P2RX5: variants seen among roughly 807,000 people sequenced by gnomAD.
The protein encoded by P2RX5 is purinergic receptor P2X 5.
Under a neutral mutation model 54.1 loss-of-function variants are expected in P2RX5, and 46 were observed. The observed-to-expected ratio is 0.85, with a 90% CI of 0.67 to 1.09. The LOEUF (loss-of-function observed/expected upper bound fraction) is 1.09. Among genes scored for constraint, P2RX5 ranks in the 50% least tolerant of loss-of-function variants. The pLI is 0.00. For missense variants in P2RX5, 566 were observed against 549.8 expected (o/e 1.03, Z -0.29); for synonymous variants, 226 against 226.4 (o/e 1.00, Z 0.02).
Position 3,691,664 on chromosome 17 carries a change from C to T in P2RX5, c.268G>A (p.Asp90Asn), listed in dbSNP as rs199599297. Residue 90 changes from aspartate to asparagine, a missense_variant, in exon 2 of 12, where the codon GAC becomes AAC. Transcript: ENST00000225328. ...CAGACCTGGGCTGGAATGACGTAGT[C>T]GGCGACATCCCAGATCCGCTGCCCA... ...DLGQRIWDVA[D>N]YVIPAQGENV... is the part of the protein sequence containing the mutation. 24 of 1,614,174 alleles carry T rather than the reference C, an allele frequency of 1.5e-5. No homozygotes were observed. Among genetic ancestry groups the T allele is most frequent in the Non-Finnish European group, 1.9e-5 (22 of 1,180,034 alleles).
the P2RX5 span, among the ~76,000 whole-genome samples, chr17:3,722,755 G>A: frequency 6.6e-6 from 1 of 152,210 alleles, no homozygotes; most frequent in Non-Finnish European, 1.5e-5. Flanking sequence ...CATGAAAAAA[G>A]TATGGATTTT....
At chr17:3,679,552 AC>A (rs1424340449) in intron 11 of P2RX5, 37 bp downstream of exon 11, 3 of 1,590,488 alleles carry the variant, frequency 1.9e-6, no homozygotes, top group East Asian at 4.5e-5. Context: ...TCTCTGCAGG[AC>A]CCAGCTGTCG....
the P2RX5 span, among the ~76,000 whole-genome samples, chr17:3,709,186 A>C: frequency 2.0e-5 from 3 of 152,088 alleles, no homozygotes; most frequent in Non-Finnish European, 4.4e-5. Flanking sequence ...TCCTGACCTC[A>C]GGTGATCCAC....
At position 3,690,244 on chromosome 17, in the gene P2RX5, C is replaced by T; in HGVS notation, c.534-94G>A. 6 of 1,295,330 alleles carry T rather than the reference C, an allele frequency of 4.6e-6. No homozygotes were observed. The South Asian group carries it at 7.1e-5, about 15-fold the overall frequency. 80.2% of individuals were successfully genotyped at this position (1,295,330 alleles called of 1,614,324 possible). On this transcript the variant is annotated intron_variant, in intron 5 of 11. Coordinates refer to ENST00000225328, the MANE Select transcript of P2RX5 (RefSeq NM_002561.4). ...AGTGTGAGGCCTGTTCCTTGGGTCCCCTGGAGCCTCTGCCCAGGACAGTTA... is the reference window on the plus strand; with the variant it reads ...AGTGTGAGGCCTGTTCCTTGGGTCCTCTGGAGCCTCTGCCCAGGACAGTTA...
At chr17:3,676,416 G>T (rs1412887445) in intron 11 of P2RX5, 25 of 983,298 alleles carry the variant, frequency 2.5e-5, no homozygotes, top group Non-Finnish European at 3.0e-5. Context: ...GGGGAACCGG[G>T]AGGACGGAGG....
the P2RX5 span, among the ~76,000 whole-genome samples, chr17:3,707,591 G>A: frequency 3.3e-5 from 5 of 152,094 alleles, no homozygotes; most frequent in Non-Finnish European, 5.9e-5. Flanking sequence ...AGATCACGCC[G>A]AGAAACCAAA....
chr17:3,723,489 G>A, the P2RX5 span: 1 of 1,021,360 alleles, frequency 9.8e-7, no homozygotes, highest in Non-Finnish European at 1.5e-6. Flanking sequence ...AATAGAGGGT[G>A]TGAGCAATTT....
Position 3,690,679 on chromosome 17 carries a change from T to A in P2RX5, c.362A>T (p.Asn121Ile), listed in dbSNP as rs779588638. 6.2e-7 allele frequency: 1 copy of A among 1,613,084 alleles called. No homozygotes were observed. The highest frequency in any genetic ancestry group is 8.5e-7 in the Non-Finnish European group (1 of 1,179,960). The change falls in exon 4 of 12, where the codon AAT becomes ATT. Residue 121 changes from asparagine (N) to isoleucine (I), a missense_variant and splice_region_variant. By Grantham distance (149) the Asn-to-Ile change is moderately radical. Transcript: ENST00000225328. The stretch of plus-strand genomic sequence containing the variant: ...GCACGCGCCATCAGGAATGCCTTCA[T>A]TCTGCCAGGAGAGAAGGGGCACCTG... The part of the protein sequence containing the change: ...PNQRQNVCAE[N>I]EGIPDGACSK...
chr17:3,679,674 A>AGCTCCTGCT lies in P2RX5; in HGVS notation c.1166_1174dup (p.Gln389_Glu391dup). On this transcript the variant is annotated inframe_insertion, in exon 11 of 12. Coordinates refer to ENST00000225328, the MANE Select transcript of P2RX5 (RefSeq NM_002561.4). ...ACGCTTCGCCTCGGGTGGCTCCTGC[A>AGCTCCTGCT]GCTCCTGCTGCTCCGGCATCCCCAG... 6.2e-7 allele frequency: 1 copy of AGCTCCTGCT among 1,611,634 alleles called. No homozygotes were observed. Among genetic ancestry groups the AGCTCCTGCT allele is most frequent in the Non-Finnish European group, 8.5e-7 (1 of 1,179,814 alleles).
At chr17:3,699,883 AAGGAAGGAAGGAAGGAAGGAAGGAAG>A (rs1294385271), upstream of P2RX5, among the ~76,000 whole-genome samples, 2,687 of 53,674 alleles carry the variant, frequency 0.05, 138 homozygotes, top group Middle Eastern at 0.082. Context: ...GAAAGGAAGG[AAGGAAGGAAGGAAGGAAGGAAGGAAG>A]GAAGGAAGGA....
chr17:3,675,700 T>C, intron 11 of P2RX5: 1 of 575,862 alleles, frequency 1.7e-6, no homozygotes, highest in Non-Finnish European at 2.2e-6. Flanking sequence ...TACAGGCATG[T>C]GGACACCATG....
the P2RX5 span, chr17:3,723,248 A>G: frequency 1.9e-5 from 25 of 1,306,758 alleles, no homozygotes; most frequent in South Asian, 2.9e-4. Context: ...GCCCGTGAGC[A>G]ACTGGATAAT....
the P2RX5 span, chr17:3,714,726 T>G: frequency 1.7e-6 from 1 of 590,160 alleles, no homozygotes. Context: ...GGTTAAAAAC[T>G]AATATTCTAC....
Position 3,695,926 on chromosome 17 carries a change from T to C in P2RX5, c.80A>G (p.Lys27Arg). The C allele has an allele frequency of 1.2e-6, 2 of 1,614,124 alleles. No homozygotes were observed. Among genetic ancestry groups the C allele is most frequent in the South Asian group, 2.2e-5 (2 of 91,088 alleles). The change falls in exon 1 of 12, where the codon AAG (lysine) becomes AGG (arginine). Residue 27 changes from lysine (K) to arginine (R), a missense_variant. Physicochemically the swap from Lys to Arg is conservative, Grantham distance 26. Transcript: ENST00000225328. ...KTEKYVIAKN[K>R]KVGLLYRLLQ... ...CAGCCGGTACAGCAGGCCCACCTTC[T>C]TGTTCTTGGCGATGACATACTTCTC...
chr17:3,674,945 C>T (rs1216447719), intron 11 of P2RX5, among the ~76,000 whole-genome samples: 1 of 152,220 alleles, frequency 6.6e-6, no homozygotes, highest in East Asian at 1.9e-4. Flanking sequence ...GTCTGTGTTG[C>T]TCATCTCTGT....
intron 9 of P2RX5, among the ~76,000 whole-genome samples, chr17:3,684,702 A>G (rs1489027630): frequency 6.6e-6 from 1 of 152,222 alleles, no homozygotes; most frequent in Non-Finnish European, 1.5e-5. Context: ...GACACCCAGC[A>G]CAGCCCTCTG....
the P2RX5 span, among the ~76,000 whole-genome samples, chr17:3,706,902 G>T: frequency 6.6e-6 from 1 of 152,160 alleles, no homozygotes; most frequent in East Asian, 1.9e-4. Context: ...GCGCCACTGC[G>T]CCCACCTATA....
chr17:3,678,157 G>A (rs1392780005), intron 11 of P2RX5: 10 of 962,554 alleles, frequency 1.0e-5, no homozygotes, highest in Non-Finnish European at 1.2e-6. Context: ...GCGGGAGGGG[G>A]CGCACAGGGC....
the P2RX5 span, among the ~76,000 whole-genome samples, chr17:3,705,093 C>T: frequency 1.3e-5 from 2 of 152,216 alleles, no homozygotes; most frequent in African/African-American, 2.4e-5. Context: ...CTTAGAGCTA[C>T]GCACATCTTG....
Sources: allele counts gnomAD v4.1 joint callset (sites outside exome capture counted in the v4.1 genomes callset), GRCh38; gene constraint gnomAD v4.1.1; transcripts MANE v1.5; gene names NCBI Gene and HGNC (gene_info 2026-07-23, HGNC 2026-07-21).